HIVEP3: variants seen among roughly 807,000 people sequenced by gnomAD.
HIVEP3 encodes the protein HIVEP zinc finger 3.
HIVEP3 carries 49 observed loss-of-function variants against 152.8 expected under a neutral mutation model. The observed-to-expected ratio is 0.32, with a 90% CI of 0.26 to 0.41. The LOEUF is 0.41. Among genes scored for constraint, HIVEP3 ranks in the 10% least tolerant of loss-of-function variants. The probability of loss-of-function intolerance (pLI) is 1.00; values close to 1 mark genes in which losing one functional copy is unlikely to be tolerated. For synonymous variants in HIVEP3, 1,269 were observed against 1,289.0 expected (o/e 0.98, Z 0.33); for missense variants, 2,790 against 3,103.3 (o/e 0.90, Z 2.40).
intron 1 of HIVEP3, among the ~76,000 whole-genome samples, chr1:41,751,104 A>G (rs4660565): frequency 0.86 from 130,935 of 151,878 alleles, 59,053 homozygotes; most frequent in Non-Finnish European, 1. Context: ...TCTACCATGC[A>G]ATGACCGGCC....
intron 1 of HIVEP3, among the ~76,000 whole-genome samples, chr1:42,028,734 G>C (rs1645595862): frequency 6.6e-6 from 1 of 152,162 alleles, no homozygotes; most frequent in African/African-American, 2.4e-5. Context: ...AACAAAACAA[G>C]CCTTCTCTAA....
chr1:41,922,533 A>C (rs568842578), upstream of HIVEP3, among the ~76,000 whole-genome samples: 155 of 152,322 alleles, frequency 1.0e-3, 2 homozygotes, highest in African/African-American at 3.6e-3. Flanking sequence ...AAATTCAAGA[A>C]AGGAGAAGAT....
intron 1 of HIVEP3, among the ~76,000 whole-genome samples, chr1:41,863,946 A>G (rs1643921925): frequency 6.6e-6 from 1 of 152,258 alleles, no homozygotes; most frequent in East Asian, 1.9e-4. Flanking sequence ...GAAGCTAAGA[A>G]GAATTTCTGA....
chr1:41,684,992 A>G (rs1646094028), intron 2 of HIVEP3, among the ~76,000 whole-genome samples: 1 of 152,156 alleles, frequency 6.6e-6, no homozygotes. Context: ...TTTTTGCCCT[A>G]TCACCACGTG....
At chr1:41,848,618 G>T (rs1643507819) in intron 1 of HIVEP3, among the ~76,000 whole-genome samples, 1 of 152,176 alleles carries the variant, frequency 6.6e-6, no homozygotes, top group Admixed American at 6.5e-5. Context: ...ATTGCAGGAA[G>T]AAGGAGGGAC....
rs936722581 is a variant in HIVEP3, at chr1:41,861,902, C to T, written c.-801+56511G>A. 6.6e-5 allele frequency among the ~76,000 whole-genome samples: 10 copies of T among 152,242 alleles called. No homozygotes were observed. In the East Asian group the frequency reaches 1.9e-3, roughly 29 times the overall value. On this transcript the variant is annotated intron_variant, in intron 1 of 8. Coordinates refer to ENST00000372583, the MANE Select transcript of HIVEP3 (RefSeq NM_024503.5). ...GAAAGCTTTTACAGTGTAGACCAGGCTGGCCACGGTGTTGGCAACGGGAGA... is the reference window on the plus strand; with the variant it reads ...GAAAGCTTTTACAGTGTAGACCAGGTTGGCCACGGTGTTGGCAACGGGAGA...
At chr1:41,516,948 G>T (rs550894928) in intron 7 of HIVEP3, among the ~76,000 whole-genome samples, 2 of 152,240 alleles carry the variant, frequency 1.3e-5, no homozygotes, top group Non-Finnish European at 2.9e-5. Context: ...CTCCACCATC[G>T]TTCCTTGCCC....
chr1:41,850,809 A>G (rs553076332), intron 1 of HIVEP3, among the ~76,000 whole-genome samples: 1 of 152,336 alleles, frequency 6.6e-6, no homozygotes, highest in South Asian at 2.1e-4. Flanking sequence ...ACTAGGCACC[A>G]CATTGTTGAA....
intron 7 of HIVEP3, among the ~76,000 whole-genome samples, chr1:41,514,949 C>T (rs1369683637): frequency 6.6e-6 from 1 of 152,204 alleles, no homozygotes; most frequent in African/African-American, 2.4e-5. Flanking sequence ...GTCGGGTCAC[C>T]TCTAACATGT....
chr1:41,942,992 C>T (rs529946393), intron 1 of HIVEP3, among the ~76,000 whole-genome samples: 14 of 152,226 alleles, frequency 9.2e-5, no homozygotes, highest in South Asian at 6.2e-4. Context: ...CTCGGCCTCC[C>T]GGGTTCACAC....
At chr1:41,952,065 C>T (rs957434998) in intron 1 of HIVEP3, among the ~76,000 whole-genome samples, 1 of 152,218 alleles carries the variant, frequency 6.6e-6, no homozygotes, top group Non-Finnish European at 1.5e-5. Context: ...CTGCATTTCA[C>T]TTGCCCTTCC....
At chr1:41,756,515 G>C (rs932726171) in intron 1 of HIVEP3, among the ~76,000 whole-genome samples, 1 of 152,122 alleles carries the variant, frequency 6.6e-6, no homozygotes, top group African/African-American at 2.4e-5. Context: ...AGGCACCAAA[G>C]AGCCCTAGAT....
Position 41,587,537 on chromosome 1 carries a change from C to A in HIVEP3, c.-521-2219G>T, listed in dbSNP as rs1339692221. On this transcript the variant is annotated intron_variant, in intron 3 of 8. Transcript: ENST00000372583. ...AGGCAAACCAGGACAAAATGGTTACCCTTACAATTAATATTTGCCTTACGG... is the reference window on the plus strand; with the variant it reads ...AGGCAAACCAGGACAAAATGGTTACACTTACAATTAATATTTGCCTTACGG... 5.3e-5 allele frequency among the ~76,000 whole-genome samples: 8 copies of A among 152,168 alleles called. No individual in the cohort carries two copies. The East Asian group carries it at 1.5e-3, about 29-fold the overall frequency.
intron 2 of HIVEP3, among the ~76,000 whole-genome samples, chr1:41,689,008 A>G (rs1235868395): frequency 6.6e-6 from 1 of 152,198 alleles, no homozygotes; most frequent in African/African-American, 2.4e-5. Context: ...CACTTAGGAC[A>G]CTGTATTTCC....
chr1:41,650,791 C>A (rs1221872860), intron 2 of HIVEP3, among the ~76,000 whole-genome samples: 1 of 152,128 alleles, frequency 6.6e-6, no homozygotes, highest in Non-Finnish European at 1.5e-5. Flanking sequence ...TACACAGAAA[C>A]CTTTTTCCAG....
chr1:41,520,557 C>A (rs1291923700), intron 6 of HIVEP3, among the ~76,000 whole-genome samples: 1 of 152,120 alleles, frequency 6.6e-6, no homozygotes, highest in African/African-American at 2.4e-5. Context: ...TCAGAGATAC[C>A]CACTGTCCTA....
At chr1:41,654,451 T>C (rs1439499213) in intron 2 of HIVEP3, among the ~76,000 whole-genome samples, 1 of 152,246 alleles carries the variant, frequency 6.6e-6, no homozygotes, top group Non-Finnish European at 1.5e-5. Flanking sequence ...TATGGATTCA[T>C]TCATTTATTT....
chr1:41,658,589 C>T (rs967344769), intron 2 of HIVEP3, among the ~76,000 whole-genome samples: 3 of 152,176 alleles, frequency 2.0e-5, no homozygotes, highest in Non-Finnish European at 4.4e-5. Flanking sequence ...CCCCCATGAG[C>T]CTCGGGAGGC....
At chr1:41,946,310 CG>C (rs1291499444) in intron 1 of HIVEP3, among the ~76,000 whole-genome samples, 1 of 152,174 alleles carries the variant, frequency 6.6e-6, no homozygotes, top group Non-Finnish European at 1.5e-5. Flanking sequence ...TGAGGGTGCC[CG>C]GGGCAAGTGC....
Sources: gnomAD v4.1 joint callset for allele counts (sites outside exome capture counted in the v4.1 genomes callset) on GRCh38, gnomAD v4.1.1 for gene constraint, MANE v1.5 for transcripts, NCBI Gene and HGNC (gene_info 2026-07-23, HGNC 2026-07-21) for gene names.